The following BRCC3 variants were observed in gnomAD, a reference collection of about 807,000 sequenced individuals.
The protein encoded by BRCC3 is BRCA1/BRCA2-containing complex subunit 3.
A neutral mutation model predicts 28.0 loss-of-function variants in BRCC3; 15 were observed. The ratio of observed to expected loss-of-function variants is 0.54; its 90% CI spans 0.36 to 0.82. The LOEUF is 0.82. Ranked by LOEUF, BRCC3 falls within the 40% of genes least tolerant of loss-of-function variation. BRCC3 has a pLI of 0.01. For missense variants in BRCC3, 109 were observed against 225.9 expected (o/e 0.48, Z 3.32); for synonymous variants, 66 against 80.3 (o/e 0.82, Z 0.95).
At chrX:155,075,420 G>A (rs1267070964) in intron 3 of BRCC3, among the ~76,000 whole-genome samples, 1 of 111,532 alleles carries the variant, frequency 9.0e-6, no homozygotes, top group African/African-American at 3.3e-5. Flanking sequence ...CTGCATTGAT[G>A]CTGTTTGAGT....
intron 5 of BRCC3, among the ~76,000 whole-genome samples, chrX:155,081,155 AC>A (rs782037434): frequency 1.3e-3 from 139 of 110,394 alleles, no homozygotes; most frequent in Admixed American, 3.9e-3. Context: ...ACAAGGTGAA[AC>A]CCTGTTTCTA....
intron 5 of BRCC3, among the ~76,000 whole-genome samples, chrX:155,086,736 C>G (rs2074132935): frequency 8.9e-6 from 1 of 111,972 alleles, no homozygotes; most frequent in African/African-American, 3.2e-5. Context: ...TCCCTGTTCT[C>G]GAATTACCCT....
At position 155,073,367 on chromosome X, in the gene BRCC3, T is replaced by C; in HGVS notation, c.141-10T>C. The C allele has an allele frequency of 8.6e-7, 1 of 1,161,992 alleles. No homozygotes were observed. The highest frequency in any genetic ancestry group is 1.1e-6 in the Non-Finnish European group (1 of 869,694). ...ACTTCCTTTTTTTTTTTCTAATTTA[T>C]TCCCAGTAGGAGTGACTCCAAATTT... On this transcript the variant is annotated splice_polypyrimidine_tract_variant and intron_variant, in intron 2 of 10. Coordinates refer to ENST00000330045, the MANE Select transcript of BRCC3 (RefSeq NM_001018055.3).
At position 155,078,773 on chromosome X, in the gene BRCC3, A is replaced by G. The variant is rs782096497; in HGVS notation, c.403+70A>G. 12 of 803,338 alleles carry G rather than the reference A, an allele frequency of 1.5e-5. No homozygotes were observed. The African/African-American group carries it at 1.9e-4, about 13-fold the overall frequency. The allele number at this position is 803,338 out of a possible 1,213,427, so 66.2% of individuals were successfully genotyped here. ...TATCATGTTTCCTTTTCCATTACAT[A>G]GGGTATGGTTATTTTAAACCAAAAT... On this transcript the variant is annotated intron_variant, in intron 5 of 10. Transcript: ENST00000330045.
intron 5 of BRCC3, 141 bp downstream of exon 5, chrX:155,078,844 T>C (rs972549817): frequency 7.1e-6 from 3 of 420,695 alleles, no homozygotes; most frequent in East Asian, 4.0e-5. Context: ...TATTTTATTA[T>C]GTATTAAAAG....
chrX:155,097,170 A>G (rs782002681), intron 7 of BRCC3, among the ~76,000 whole-genome samples: 1 of 111,829 alleles, frequency 8.9e-6, no homozygotes, highest in Non-Finnish European at 1.9e-5. Flanking sequence ...ATATCAAACT[A>G]AAACGCCTGC....
chrX:155,074,006 C>T (rs1274950201), intron 3 of BRCC3, among the ~76,000 whole-genome samples: 2 of 111,682 alleles, frequency 1.8e-5, no homozygotes, highest in African/African-American at 6.5e-5. Flanking sequence ...TGAATTACTT[C>T]CCCTCCTCCC....
chrX:155,078,886 TAA>T (rs2074065132), intron 5 of BRCC3, 183 bp downstream of exon 5: 1 of 362,604 alleles, frequency 2.8e-6, no homozygotes, highest in Non-Finnish European at 4.8e-6. Context: ...TTGTTTTTAA[TAA>T]GTCTGTCAGT....
intron 5 of BRCC3, among the ~76,000 whole-genome samples, chrX:155,084,424 A>G (rs372286892): frequency 3.6e-4 from 40 of 110,679 alleles, no homozygotes; most frequent in African/African-American, 1.1e-3. Flanking sequence ...GTGCAGTGGC[A>G]CGATCTCAGC....
chrX:155,091,366 G>A (rs781797027), intron 7 of BRCC3, among the ~76,000 whole-genome samples: 23 of 109,892 alleles, frequency 2.1e-4, no homozygotes, highest in Non-Finnish European at 3.2e-4. Flanking sequence ...CCACCTCCCG[G>A]GTTCATGCAT....
intron 7 of BRCC3, among the ~76,000 whole-genome samples, chrX:155,110,439 CTAGGA>C (rs1557298003): frequency 6.3e-5 from 7 of 111,273 alleles, no homozygotes; most frequent in Non-Finnish European, 1.3e-4. Flanking sequence ...TTGTGCTTTT[CTAGGA>C]ATTTATCCTA....
chrX:155,116,776 C>T (rs1557298860), intron 9 of BRCC3, 22 bp downstream of exon 9: 1 of 1,117,077 alleles, frequency 9.0e-7, no homozygotes, highest in African/African-American at 1.8e-5. Context: ...TTCTTGAGTA[C>T]TCAGCATTTT....
At chrX:155,075,561 G>A (rs1051946947) in intron 3 of BRCC3, among the ~76,000 whole-genome samples, 21 of 111,521 alleles carry the variant, frequency 1.9e-4, no homozygotes, top group South Asian at 7.4e-4. Context: ...TGCCTCACAC[G>A]TTCTACCTAG....
Position 155,107,257 on chromosome X carries a change from G to A in BRCC3, c.549-8800G>A, listed in dbSNP as rs376208292. ...ATTATTGATATAAATGCTTAAGGCT[G>A]TGAATTTTCCACTGATCTTTGCTTT... On this transcript the variant is annotated intron_variant, in intron 7 of 10. Transcript: ENST00000330045. 1.5e-3 allele frequency among the ~76,000 whole-genome samples: 161 copies of A among 111,021 alleles called. 4 individuals are homozygous for A. The South Asian group carries it at 0.041, about 29-fold the overall frequency.
chrX:155,076,234 A>G (rs1557293611), intron 3 of BRCC3, among the ~76,000 whole-genome samples: 2 of 110,483 alleles, frequency 1.8e-5, no homozygotes, highest in Non-Finnish European at 3.8e-5. Flanking sequence ...CTACCAAAAA[A>G]TACAAAAAGC....
chrX:155,093,976 CT>C (rs1263872387), intron 7 of BRCC3, among the ~76,000 whole-genome samples: 9 of 111,353 alleles, frequency 8.1e-5, no homozygotes. Flanking sequence ...TCACAGCATC[CT>C]TTTTTATTTT....
chrX:155,113,572 A>T (rs961072748), intron 7 of BRCC3, among the ~76,000 whole-genome samples: 1 of 111,723 alleles, frequency 9.0e-6, no homozygotes, highest in Admixed American at 9.5e-5. Context: ...GCTTCATGAC[A>T]TTGGATTTGA....
intron 4 of BRCC3, among the ~76,000 whole-genome samples, chrX:155,077,530 A>G (rs954099069): frequency 8.9e-6 from 1 of 111,803 alleles, no homozygotes; most frequent in Non-Finnish European, 1.9e-5. Flanking sequence ...CACTGCGACA[A>G]TGAACTCTGT....
intron 7 of BRCC3, among the ~76,000 whole-genome samples, chrX:155,110,244 C>T (rs1557297975): frequency 9.0e-6 from 1 of 111,257 alleles, no homozygotes; most frequent in Admixed American, 9.5e-5. Flanking sequence ...AAAATGTTCC[C>T]ATATCTCGAT....
Sources: gnomAD v4.1 joint callset for allele counts (sites outside exome capture counted in the v4.1 genomes callset) on GRCh38, gnomAD v4.1.1 for gene constraint, MANE v1.5 for transcripts, NCBI Gene and HGNC (gene_info 2026-07-23, HGNC 2026-07-21) for gene names.